ZNF469: variants seen among roughly 807,000 people sequenced by gnomAD.
ZNF469 encodes zinc finger protein 469.
Under a neutral mutation model 1.0 loss-of-function variants are expected in ZNF469, and 1 was observed. That is an observed-to-expected ratio of 1.00 (90% confidence interval 0.35 to 4.73). The LOEUF (loss-of-function observed/expected upper bound fraction) is 4.73, where lower values mean the gene tolerates loss of function less well. Ranked by LOEUF, ZNF469 falls within the 30% of genes most tolerant of loss-of-function variation. ZNF469 has a pLI of 0.16. For missense variants in ZNF469, 6,100 were observed against 5,356.3 expected, an observed-to-expected ratio of 1.14 and a Z score of -4.33; for synonymous variants, 2,703 against 2,363.4, an observed-to-expected ratio of 1.14 and a Z score of -4.17.
chr16:88,358,452 C>T, the ZNF469 span, among the ~76,000 whole-genome samples: 1 of 152,156 alleles, frequency 6.6e-6, no homozygotes, highest in African/African-American at 2.4e-5. Flanking sequence ...GTAAAATGAA[C>T]CTGCCCACCC....
the ZNF469 span, among the ~76,000 whole-genome samples, chr16:88,207,392 C>T: frequency 1.9e-5 from 1 of 52,226 alleles, no homozygotes; most frequent in African/African-American, 7.8e-5. Context: ...GGGGAGGCCG[C>T]GGGGACGGAG....
chr16:88,221,585 G>A, the ZNF469 span, among the ~76,000 whole-genome samples: 5 of 152,232 alleles, frequency 3.3e-5, no homozygotes, highest in African/African-American at 1.2e-4. Flanking sequence ...GCGGGCCAGC[G>A]TCCAGTCTGC....
intron 1 of ZNF469, among the ~76,000 whole-genome samples, chr16:88,392,813 G>T (rs1238729934): frequency 2.0e-5 from 3 of 152,124 alleles, no homozygotes; most frequent in Admixed American, 2.0e-4. Flanking sequence ...CTCCAACATC[G>T]CCCTGCCTTT....
At chr16:88,330,248 G>C in the ZNF469 span, among the ~76,000 whole-genome samples, 1 of 152,364 alleles carries the variant, frequency 6.6e-6, no homozygotes, top group East Asian at 1.9e-4. Context: ...GGCGTCCTGT[G>C]AGTGTTGTGT....
At chr16:88,240,032 C>T in the ZNF469 span, among the ~76,000 whole-genome samples, 1 of 150,604 alleles carries the variant, frequency 6.6e-6, no homozygotes, top group African/African-American at 2.5e-5. Flanking sequence ...CTGGCCTGTG[C>T]TCGGGGCCAT....
intron 1 of ZNF469, among the ~76,000 whole-genome samples, chr16:88,413,400 C>A (rs906504926): frequency 6.6e-6 from 1 of 152,140 alleles, no homozygotes; most frequent in Admixed American, 6.5e-5. Context: ...AGTGAGGAGA[C>A]AGCAAAGGAG....
the ZNF469 span, among the ~76,000 whole-genome samples, chr16:88,293,147 T>C: frequency 6.6e-6 from 1 of 151,204 alleles, no homozygotes; most frequent in African/African-American, 2.4e-5. Flanking sequence ...GACTGATGGA[T>C]GGATCAATAG....
At chr16:88,387,687 C>T (rs1340331584) in intron 1 of ZNF469, among the ~76,000 whole-genome samples, 2 of 152,158 alleles carry the variant, frequency 1.3e-5, no homozygotes, top group Admixed American at 6.5e-5. Flanking sequence ...GTTTTTGACC[C>T]AGCGAGGAGA....
chr16:88,203,480 C>T, the ZNF469 span, among the ~76,000 whole-genome samples: 6 of 151,978 alleles, frequency 3.9e-5, no homozygotes, highest in Admixed American at 3.3e-4. Flanking sequence ...ATCAAAACAC[C>T]ACAAATGACG....
chr16:88,219,153 T>C, the ZNF469 span, among the ~76,000 whole-genome samples: 1 of 148,000 alleles, frequency 6.8e-6, no homozygotes, highest in Non-Finnish European at 1.5e-5. Flanking sequence ...TCCATGCTCA[T>C]GGGTAGGAAG....
the ZNF469 span, among the ~76,000 whole-genome samples, chr16:88,245,956 T>C: frequency 6.6e-6 from 1 of 152,280 alleles, no homozygotes; most frequent in Admixed American, 6.5e-5. Context: ...GCTCAGCAGC[T>C]GGAATGGTTG....
chr16:88,304,204 A>ACAGCC, the ZNF469 span, among the ~76,000 whole-genome samples: 1 of 152,152 alleles, frequency 6.6e-6, no homozygotes, highest in East Asian at 1.9e-4. Flanking sequence ...CCATGGATTC[A>ACAGCC]CAGCCCTTTA....
chr16:88,440,675 C>T lies in ZNF469; in HGVS notation c.*1343C>T, dbSNP rs1391745308. The T allele has an allele frequency of 2.0e-5, 3 of 152,140 alleles. No homozygotes were observed. The highest frequency in any genetic ancestry group is 4.8e-5 in the African/African-American group (2 of 41,420). 9.4% of individuals were successfully genotyped at this position (152,140 alleles called of 1,614,324 possible). A position where few individuals can be genotyped will look rare whatever the true frequency, so the allele number is the denominator to read the frequency against. On this transcript the variant is annotated 3_prime_UTR_variant, in exon 3 of 3. Coordinates refer to ENST00000565624, the MANE Select transcript of ZNF469 (RefSeq NM_001367624.2). ...CCTCCGGAGTGTCGCAAACCAAGTG[C>T]GGAGGGGCCCTGAGGTTGTACTGTA...
chr16:88,380,560 C>G (rs547104029), upstream of ZNF469, among the ~76,000 whole-genome samples: 30 of 133,782 alleles, frequency 2.2e-4, 1 homozygote, highest in South Asian at 7.5e-3. Context: ...CATGCACTCA[C>G]ACACAGACGC....
the ZNF469 span, among the ~76,000 whole-genome samples, chr16:88,123,603 G>A: frequency 6.6e-6 from 1 of 152,214 alleles, no homozygotes; most frequent in Non-Finnish European, 1.5e-5. Context: ...GGGCCACGTG[G>A]TGAGTATATG....
At chr16:88,401,607 T>C (rs66683732) in intron 1 of ZNF469, among the ~76,000 whole-genome samples, 1 of 133,528 alleles carries the variant, frequency 7.5e-6, no homozygotes, top group African/African-American at 2.9e-5. Context: ...GGATGGATAG[T>C]TGGGTGAGTG....
chr16:88,113,746 T>A, the ZNF469 span, among the ~76,000 whole-genome samples: 7 of 149,714 alleles, frequency 4.7e-5, no homozygotes, highest in African/African-American at 1.7e-4. Context: ...CTGTGAGGCG[T>A]GCGTCCCTTC....
chr16:88,170,107 C>T, the ZNF469 span, among the ~76,000 whole-genome samples: 1 of 152,238 alleles, frequency 6.6e-6, no homozygotes, highest in African/African-American at 2.4e-5. This position sits in a 1 kb window ranked among gnomAD's most constrained non-coding sequence, Gnocchi z 4.2. Flanking sequence ...CTTAACCTCT[C>T]TCAGCCTCGC....
the ZNF469 span, among the ~76,000 whole-genome samples, chr16:88,130,148 A>T: frequency 6.6e-6 from 1 of 152,158 alleles, no homozygotes; most frequent in Non-Finnish European, 1.5e-5. Context: ...TCTAACCCGA[A>T]TGCCAAGCTT....
Sources: gnomAD v4.1 joint callset for allele counts (sites outside exome capture counted in the v4.1 genomes callset) on GRCh38, gnomAD v4.1.1 for gene constraint, Gnocchi (gnomAD v3.1) non-coding constraint, MANE v1.5 for transcripts, NCBI Gene and HGNC (gene_info 2026-07-23, HGNC 2026-07-21) for gene names.